The following DCLRE1C variants were observed in gnomAD, a reference collection of about 807,000 sequenced individuals.
The protein encoded by DCLRE1C is protein artemis.
DCLRE1C carries 47 observed loss-of-function variants against 61.4 expected under a neutral mutation model. The observed-to-expected ratio is 0.77, with a 90% confidence interval of 0.61 to 0.98. DCLRE1C has a LOEUF of 0.98. Ranked by LOEUF, DCLRE1C falls within the 50% of genes least tolerant of loss-of-function variation. The probability of loss-of-function intolerance (pLI) is 0.00; values close to 1 mark genes in which losing one functional copy is unlikely to be tolerated. For synonymous variants in DCLRE1C, 337 were observed against 287.6 expected (o/e 1.17, Z -1.74); for missense variants, 858 against 816.0 (o/e 1.05, Z -0.63).
downstream of DCLRE1C, among the ~76,000 whole-genome samples, chr10:14,901,915 T>C (rs1834050760): frequency 6.6e-6 from 1 of 152,216 alleles, no homozygotes; most frequent in South Asian, 2.1e-4. Context: ...CACATACAAA[T>C]TTATTCTATT....
chr10:14,913,326 G>A (rs893481143), intron 13 of DCLRE1C, among the ~76,000 whole-genome samples: 1 of 152,324 alleles, frequency 6.6e-6, no homozygotes, highest in Admixed American at 6.5e-5. Flanking sequence ...GGGGATGATT[G>A]TACAATTCTG....
Position 14,920,510 on chromosome 10 carries a change from A to G in DCLRE1C, c.1062-678T>C, listed in dbSNP as rs41299700. On this transcript the variant is annotated intron_variant, in intron 12 of 13. Transcript: ENST00000378278. ...CTGAAACTTCTTTACAGCCACCCCC[A>G]TTTTACGTCCTCACCCCTGTTCCCA... 3.2e-3 allele frequency: 2,452 copies of G among 760,714 alleles called. 40 individuals are homozygous for G. The African/African-American group carries it at 0.043, about 13-fold the overall frequency. 47.1% of individuals were successfully genotyped at this position (760,714 alleles called of 1,614,324 possible).
intron 2 of DCLRE1C, among the ~76,000 whole-genome samples, chr10:14,946,617 G>A (rs115247916): frequency 6.6e-6 from 1 of 151,936 alleles, no homozygotes; most frequent in African/African-American, 2.4e-5. Context: ...TTTTAACCCT[G>A]AGTCTCCATT....
At chr10:14,897,984 C>A (rs79500415) in exon 14 of DCLRE1C, 1 of 151,940 alleles carries the variant, frequency 6.6e-6, no homozygotes, top group Non-Finnish European at 1.5e-5. Flanking sequence ...TATACACAAG[C>A]ATTTATTGCA....
rs1837378008 is a variant in DCLRE1C, at chr10:14,923,076, A to T, written c.973-7T>A. The T allele has an allele frequency of 7.5e-6, 12 of 1,605,290 alleles. No homozygotes were observed. The highest frequency in any genetic ancestry group is 9.4e-6 in the Non-Finnish European group (11 of 1,172,000). On this transcript the variant is annotated splice_polypyrimidine_tract_variant and splice_region_variant and intron_variant, in intron 11 of 13. Coordinates refer to ENST00000378278, the MANE Select transcript of DCLRE1C (RefSeq NM_001033855.3). ...AGCTCAAGAAATCTTTAATCTAGAAAAAGGAAAATCACATGGATCAACAAT... is the reference window on the plus strand; with the variant it reads ...AGCTCAAGAAATCTTTAATCTAGAATAAGGAAAATCACATGGATCAACAAT...
At position 14,934,671 on chromosome 10, in the gene DCLRE1C, G is replaced by C. The variant is rs767572622; in HGVS notation, c.537+32C>G. On this transcript the variant is annotated intron_variant, in intron 7 of 13. Transcript: ENST00000378278. ...CCTACTAAAAACACGGGCACACCCA[G>C]ATGATAACCCTGTTCCTCCAGGCAG... 5.6e-6 allele frequency: 9 copies of C among 1,612,230 alleles called. No homozygotes were observed. The South Asian group carries it at 9.9e-5, about 18-fold the overall frequency.
At chr10:14,941,008 G>A (rs1482001018) in intron 3 of DCLRE1C, among the ~76,000 whole-genome samples, 1 of 152,140 alleles carries the variant, frequency 6.6e-6, no homozygotes, top group Non-Finnish European at 1.5e-5. Context: ...TCACCCTCCT[G>A]AGCAGCTGGG....
intron 13 of DCLRE1C, among the ~76,000 whole-genome samples, chr10:14,919,315 T>G (rs1042274179): frequency 6.6e-6 from 1 of 152,142 alleles, no homozygotes; most frequent in African/African-American, 2.4e-5. Context: ...TAAACACTAC[T>G]GATCAACTTG....
intron 12 of DCLRE1C, among the ~76,000 whole-genome samples, chr10:14,922,665 T>C (rs1488849630): frequency 6.6e-6 from 1 of 152,114 alleles, no homozygotes; most frequent in Admixed American, 6.6e-5. Context: ...GACCAACAAG[T>C]AGGCATCAAT....
chr10:14,933,173 G>A (rs973411698), intron 8 of DCLRE1C, among the ~76,000 whole-genome samples: 11 of 152,156 alleles, frequency 7.2e-5, no homozygotes, highest in Admixed American at 3.9e-4. Context: ...TGACGTCAGT[G>A]AACAATTATG....
intron 9 of DCLRE1C, among the ~76,000 whole-genome samples, chr10:14,929,543 G>A (rs964423118): frequency 6.6e-6 from 1 of 151,808 alleles, no homozygotes; most frequent in Non-Finnish European, 1.5e-5. Context: ...TCAGGAGGCC[G>A]AGGCAGGAAG....
chr10:14,913,656 A>C (rs1181444845), intron 13 of DCLRE1C, among the ~76,000 whole-genome samples: 1 of 152,242 alleles, frequency 6.6e-6, no homozygotes, highest in East Asian at 1.9e-4. Flanking sequence ...ATTTGGAAAA[A>C]AGCAAAAATT....
Position 14,923,047 on chromosome 10 carries a change from A to C in DCLRE1C, c.995T>G (p.Leu332Arg), listed in dbSNP as rs761400441. The change falls in exon 12 of 14, where the codon CTC (leucine) becomes CGC (arginine). Residue 332 changes from leucine to arginine, a missense_variant. By Grantham distance (102) the Leu-to-Arg change is moderately radical (BLOSUM62 -2). This residue lies in a region of DCLRE1C where 843 missense variants were observed against 783.5 expected (regional missense o/e 1.08). Coordinates refer to ENST00000378278, the MANE Select transcript of DCLRE1C (RefSeq NM_001033855.3). ...YSEIKDFLSY[L>R]CPVNAYPNVI... ...ATTTGGATATGCGTTCACAGGACAG[A>C]GGTAGCTCAAGAAATCTTTAATCTA... 6.8e-6 allele frequency: 11 copies of C among 1,613,864 alleles called. No individual in the cohort carries two copies. Among genetic ancestry groups the C allele is most frequent in the Non-Finnish European group, 9.3e-6 (11 of 1,179,812 alleles).
chr10:14,938,148 A>G (rs1427714582), intron 4 of DCLRE1C, among the ~76,000 whole-genome samples: 1 of 152,044 alleles, frequency 6.6e-6, no homozygotes, highest in African/African-American at 2.4e-5. Flanking sequence ...ACAATGCATA[A>G]AAGTCATGGC....
chr10:14,903,947 T>C (rs1588872188), downstream of DCLRE1C: 1 of 152,208 alleles, frequency 6.6e-6, no homozygotes, highest in Admixed American at 6.5e-5. Context: ...CTTCACTCTT[T>C]CATAATATAT....
chr10:14,908,469 T>C lies in DCLRE1C; in HGVS notation c.2018A>G (p.Lys673Arg). The C allele has an allele frequency of 6.2e-7, 1 of 1,614,010 alleles. No individual in the cohort carries two copies. Among genetic ancestry groups the C allele is most frequent in the South Asian group, 1.1e-5 (1 of 91,078 alleles). ...TGCTATACTCTCACCAGTTGCCAGC[T>C]TCTCATATAAATATTGTAAATGCTC... is the stretch of plus-strand genomic sequence containing the variant. ...KREHLQYLYE[K>R]LATGESIAVK... The change falls in exon 14 of 14, where the codon AAG (lysine) becomes AGG (arginine). Residue 673 changes from lysine (K) to arginine (R), a missense_variant. Physicochemically the swap from Lys to Arg is conservative, Grantham distance 26. Coordinates refer to ENST00000378278, the MANE Select transcript of DCLRE1C (RefSeq NM_001033855.3).
At chr10:14,954,203 C>CTGCT, upstream of DCLRE1C, 1 of 868,030 alleles carries the variant, frequency 1.2e-6, no homozygotes, top group Non-Finnish European at 1.8e-6. Flanking sequence ...TAGGCGCCCG[C>CTGCT]TGCTTGGGTT....
At chr10:14,902,559 T>C (rs529177436), downstream of DCLRE1C, 234 of 1,240,436 alleles carry the variant, frequency 1.9e-4, no homozygotes, top group Non-Finnish European at 2.4e-4. Flanking sequence ...TTTTTCCTAA[T>C]GTTAACATTT....
intron 3 of DCLRE1C, among the ~76,000 whole-genome samples, chr10:14,943,826 G>A (rs551167353): frequency 2.6e-5 from 4 of 152,276 alleles, no homozygotes; most frequent in South Asian, 2.1e-4. Context: ...GATTACAAGC[G>A]TGAGCCACTG....
Sources: allele counts gnomAD v4.1 joint callset (sites outside exome capture counted in the v4.1 genomes callset), GRCh38; gene constraint gnomAD v4.1.1; regional missense constraint gnomAD v4.1.1; transcripts MANE v1.5; gene names NCBI Gene and HGNC (gene_info 2026-07-23, HGNC 2026-07-21).